Variants in FBXL17 observed in about 807,000 individuals in gnomAD.
The protein encoded by FBXL17 is F-box/LRR-repeat protein 17.
FBXL17 carries 22 observed loss-of-function variants against 66.2 expected under a neutral mutation model. That is an observed-to-expected ratio of 0.33 (90% CI 0.24 to 0.47). FBXL17 has a LOEUF of 0.47. Among genes scored for constraint, FBXL17 ranks in the 20% least tolerant of loss-of-function variants. FBXL17 has a pLI of 1.00. For synonymous variants in FBXL17, 474 were observed against 400.5 expected (o/e 1.18, Z -2.19); for missense variants, 878 against 948.2 (o/e 0.93, Z 0.97).
chr5:108,001,799 C>A (rs191802693), intron 7 of FBXL17, among the ~76,000 whole-genome samples: 7 of 151,250 alleles, frequency 4.6e-5, no homozygotes, highest in Non-Finnish European at 7.4e-5. Flanking sequence ...CGTGCCCAGC[C>A]GGAAAATTAG....
At chr5:107,899,089 G>A (rs1749481078) in intron 7 of FBXL17, among the ~76,000 whole-genome samples, 1 of 152,148 alleles carries the variant, frequency 6.6e-6, no homozygotes, top group Non-Finnish European at 1.5e-5. Context: ...CCCACCAACA[G>A]TGTAAAAGTG....
intron 3 of FBXL17, among the ~76,000 whole-genome samples, chr5:108,357,628 T>G (rs527352469): frequency 6.6e-6 from 1 of 152,074 alleles, no homozygotes; most frequent in Admixed American, 6.6e-5. Context: ...AATTATACAA[T>G]GTCTGCTCTC....
chr5:108,080,684 G>C (rs1439398855), intron 6 of FBXL17, among the ~76,000 whole-genome samples: 2 of 152,076 alleles, frequency 1.3e-5, no homozygotes, highest in African/African-American at 2.4e-5. Context: ...GAAAAGGCAA[G>C]ATAACTGGAA....
At chr5:108,162,913 T>C (rs973235009) in intron 6 of FBXL17, among the ~76,000 whole-genome samples, 76 of 152,324 alleles carry the variant, frequency 5.0e-4, no homozygotes, top group Admixed American at 1.7e-3. Context: ...CTAGGTCTTA[T>C]TAACCCCTCA....
chr5:108,138,186 C>T (rs1262271721), intron 6 of FBXL17, among the ~76,000 whole-genome samples: 2 of 152,046 alleles, frequency 1.3e-5, no homozygotes, highest in Admixed American at 1.3e-4. Context: ...ATCTTACAAA[C>T]AAAAGTAAAA....
Position 108,107,813 on chromosome 5 carries a change from AAAAAAAAAAAG to A in FBXL17, c.1745+78293_1745+78303del, listed in dbSNP as rs1001857521. On this transcript the variant is annotated intron_variant, in intron 6 of 8. Coordinates refer to ENST00000542267, the MANE Select transcript of FBXL17 (RefSeq NM_001163315.3). ...GGCAACACAGCAAGACTCTGTCTCAAAAAAAAAAAAGAAAAGAAAAAAGAAAAAGAAAAGAG... is the reference window on the plus strand; with the variant it reads ...GGCAACACAGCAAGACTCTGTCTCAAAAAAGAAAAAAGAAAAAGAAAAGAG... Among the ~76,000 whole-genome samples the A allele has an allele frequency of 1.8e-4, 27 of 148,920 alleles. 1 individual carries two copies. The highest frequency in any genetic ancestry group is 3.4e-4 in the Non-Finnish European group (23 of 67,240).
intron 6 of FBXL17, among the ~76,000 whole-genome samples, chr5:108,132,444 CTCT>C (rs1750973701): frequency 1.3e-5 from 2 of 152,138 alleles, no homozygotes; most frequent in African/African-American, 4.8e-5. Flanking sequence ...CACTAATGCT[CTCT>C]TCTTAATAGA....
chr5:108,031,455 A>T (rs1489522826), intron 6 of FBXL17, among the ~76,000 whole-genome samples: 1 of 152,132 alleles, frequency 6.6e-6, no homozygotes, highest in East Asian at 1.9e-4. Context: ...CAAAGAACCA[A>T]AGAAAGAGGG....
At chr5:108,213,083 G>T (rs1200417200) in intron 5 of FBXL17, among the ~76,000 whole-genome samples, 2 of 152,126 alleles carry the variant, frequency 1.3e-5, no homozygotes, top group Non-Finnish European at 2.9e-5. Flanking sequence ...CTTCTCAGTG[G>T]CTTTGTTTAC....
intron 4 of FBXL17, among the ~76,000 whole-genome samples, chr5:108,228,400 G>A (rs1205567548): frequency 6.6e-6 from 1 of 152,026 alleles, no homozygotes; most frequent in African/African-American, 2.4e-5. Flanking sequence ...CTGGGACCCT[G>A]GAGTCTCACT....
chr5:108,240,498 G>A (rs1417835275), intron 4 of FBXL17, among the ~76,000 whole-genome samples: 3 of 152,068 alleles, frequency 2.0e-5, no homozygotes, highest in Non-Finnish European at 4.4e-5. Context: ...AGGAAGAGTG[G>A]GAAAAACTAT....
At chr5:107,980,664 A>ATATATATATATATATTT in intron 7 of FBXL17, among the ~76,000 whole-genome samples, 1 of 62,078 alleles carries the variant, frequency 1.6e-5, no homozygotes, top group African/African-American at 1.0e-4. Flanking sequence ...ATATATATAT[A>ATATATATATATATATTT]TTTTTTTTTT....
intron 7 of FBXL17, among the ~76,000 whole-genome samples, chr5:108,009,290 T>TAGATAGATAGAGAGATAGATAG (rs1287152827): frequency 3.7e-5 from 2 of 54,696 alleles, no homozygotes; most frequent in Non-Finnish European, 6.3e-5. Flanking sequence ...TATATATATA[T>TAGATAGATAGAGAGATAGATAG]ATATATATAT....
At chr5:107,933,738 G>C (rs908681872) in intron 7 of FBXL17, among the ~76,000 whole-genome samples, 4 of 152,106 alleles carry the variant, frequency 2.6e-5, no homozygotes, top group African/African-American at 9.7e-5. Flanking sequence ...GTGTGAGGTA[G>C]TGTTAGGAAT....
intron 7 of FBXL17, among the ~76,000 whole-genome samples, chr5:107,949,910 G>A (rs1381711327): frequency 6.6e-6 from 1 of 152,104 alleles, no homozygotes; most frequent in African/African-American, 2.4e-5. Flanking sequence ...ATTAGTTTAC[G>A]TTCTACATGA....
chr5:108,186,959 T>G (rs1464555675), intron 5 of FBXL17, among the ~76,000 whole-genome samples: 1 of 151,954 alleles, frequency 6.6e-6, no homozygotes, highest in Non-Finnish European at 1.5e-5. Flanking sequence ...CTGTATAGAT[T>G]TTTTTATTTT....
At chr5:108,022,122 T>C (rs1387662776) in intron 6 of FBXL17, among the ~76,000 whole-genome samples, 2 of 151,938 alleles carry the variant, frequency 1.3e-5, no homozygotes, top group Non-Finnish European at 2.9e-5. Context: ...AAATTTTTTA[T>C]GGAATTTTGT....
In FBXL17 at chr5:108,077,720, C is replaced by T. The variant is rs1038024106; in HGVS notation, c.1746-56719G>A. 7.9e-5 allele frequency among the ~76,000 whole-genome samples: 12 copies of T among 151,604 alleles called. No homozygotes were observed. The East Asian group carries it at 2.1e-3, about 27-fold the overall frequency. ...ATAGTATACCCATTTTTGGATTGTC[C>T]GTTGTTTTTGAGTTTTTATTATTTG... is the stretch of plus-strand genomic sequence containing the variant. On this transcript the variant is annotated intron_variant, in intron 6 of 8. Coordinates refer to ENST00000542267, the MANE Select transcript of FBXL17 (RefSeq NM_001163315.3).
At chr5:108,060,587 A>C (rs73208833) in intron 6 of FBXL17, among the ~76,000 whole-genome samples, 2,737 of 152,262 alleles carry the variant, frequency 0.018, 100 homozygotes, top group African/African-American at 0.063. Flanking sequence ...CCTTTTTCAG[A>C]AAGTGATCTT....
Sources: allele counts gnomAD v4.1 joint callset (sites outside exome capture counted in the v4.1 genomes callset), GRCh38; gene constraint gnomAD v4.1.1; transcripts MANE v1.5; gene names NCBI Gene and HGNC (gene_info 2026-07-23, HGNC 2026-07-21).